Variants in DGKI observed in about 807,000 individuals in gnomAD.
DGKI encodes the protein diacylglycerol kinase iota, also known as DAG kinase iota.
Under a neutral mutation model 147.5 loss-of-function variants are expected in DGKI, and 55 were observed. That is an observed-to-expected ratio of 0.37 (90% CI 0.30 to 0.47). DGKI has a LOEUF of 0.47. Among genes scored for constraint, DGKI ranks in the 20% least tolerant of loss-of-function variants. The probability of loss-of-function intolerance (pLI) is 1.00; values close to 1 mark genes in which losing one functional copy is unlikely to be tolerated. For missense variants in DGKI, 1,007 were observed against 1,323.8 expected, an observed-to-expected ratio of 0.76 and a Z score of 3.71; for synonymous variants, 469 against 477.1, an observed-to-expected ratio of 0.98 and a Z score of 0.22.
At chr7:137,538,074 A>G (rs1817577161) in intron 20 of DGKI, among the ~76,000 whole-genome samples, 2 of 152,240 alleles carry the variant, frequency 1.3e-5, no homozygotes, top group Non-Finnish European at 2.9e-5. Context: ...CTAGTTGTAG[A>G]ATAGAATTAC....
chr7:137,620,023 A>ACG (rs1554442885), intron 7 of DGKI, 83 bp from the exon 8 acceptor site: 14 of 595,836 alleles, frequency 2.3e-5, no homozygotes, highest in South Asian at 5.9e-5. Context: ...ACACACGCAC[A>ACG]CACACACACA....
intron 5 of DGKI, among the ~76,000 whole-genome samples, 184 bp from the exon 6 acceptor site, chr7:137,645,721 T>G (rs553870392): frequency 6.6e-6 from 1 of 152,360 alleles, no homozygotes; most frequent in South Asian, 2.1e-4. Flanking sequence ...CATGAGCTAC[T>G]GCACTTGATT....
chr7:137,391,194 A>G lies in DGKI; in HGVS notation c.*26T>C, dbSNP rs1212273800. 1 of 1,567,106 alleles carries G rather than the reference A, an allele frequency of 6.4e-7. No individual in the cohort carries two copies. The highest frequency in any genetic ancestry group is 8.8e-7 in the Non-Finnish European group (1 of 1,137,504). On this transcript the variant is annotated 3_prime_UTR_variant, in exon 33 of 33. Transcript: ENST00000614521. ...GAGGGCAGATGTGATACGCTTGCTCATGTCCTCTTTGCCCGAATACCAGGG... is the reference window on the plus strand; with the variant it reads ...GAGGGCAGATGTGATACGCTTGCTCGTGTCCTCTTTGCCCGAATACCAGGG...
At chr7:137,417,222 A>C (rs1812393589) in intron 28 of DGKI, among the ~76,000 whole-genome samples, 1 of 152,226 alleles carries the variant, frequency 6.6e-6, no homozygotes, top group South Asian at 2.1e-4. Flanking sequence ...AGAAGCAGGG[A>C]AAGTCAAGTT....
At chr7:137,716,272 C>A (rs979158867) in intron 1 of DGKI, among the ~76,000 whole-genome samples, 1 of 152,140 alleles carries the variant, frequency 6.6e-6, no homozygotes, top group Non-Finnish European at 1.5e-5. Flanking sequence ...ACAATCTGAA[C>A]GTTCATGAAA....
At chr7:137,750,239 G>A (rs1435458496) in intron 1 of DGKI, among the ~76,000 whole-genome samples, 1 of 152,150 alleles carries the variant, frequency 6.6e-6, no homozygotes, top group African/African-American at 2.4e-5. Flanking sequence ...AGATGCACAG[G>A]GCTATAGAGC....
intron 1 of DGKI, among the ~76,000 whole-genome samples, chr7:137,789,316 A>G (rs542800594): frequency 1.4e-4 from 21 of 152,050 alleles, no homozygotes; most frequent in Non-Finnish European, 2.5e-4. Context: ...TAAAAAAAAT[A>G]AAATAAAAAT....
Position 137,391,381 on chromosome 7 carries a change from A to C in DGKI, c.3058-45T>G, listed in dbSNP as rs201295655. The C allele has an allele frequency of 2.9e-4, 378 of 1,323,166 alleles. 1 individual carries two copies. The African/African-American group carries it at 5.2e-3, about 18-fold the overall frequency. 82.0% of individuals were successfully genotyped at this position (1,323,166 alleles called of 1,614,324 possible). A position where few individuals can be genotyped will look rare whatever the true frequency, so the allele number is the denominator to read the frequency against. On this transcript the variant is annotated intron_variant, in intron 32 of 32. Coordinates refer to ENST00000614521, the MANE Select transcript of DGKI (RefSeq NM_001321708.2). ...AAAAAAAAAAGAGAGAGAGAGATAGACACAAGCGCTAGTCGTGAAATACAA... is the reference window on the plus strand; with the variant it reads ...AAAAAAAAAAGAGAGAGAGAGATAGCCACAAGCGCTAGTCGTGAAATACAA...
At chr7:137,768,813 C>T (rs1447846473) in intron 1 of DGKI, among the ~76,000 whole-genome samples, 29 of 152,182 alleles carry the variant, frequency 1.9e-4, no homozygotes, top group Non-Finnish European at 4.3e-4. Context: ...GAACGGCTAT[C>T]AAATTGTGTT....
intron 8 of DGKI, among the ~76,000 whole-genome samples, chr7:137,618,475 C>G (rs1019049135): frequency 1.3e-5 from 2 of 150,062 alleles, no homozygotes; most frequent in African/African-American, 5.0e-5. Flanking sequence ...AGCCCTCCCC[C>G]CCACTTCATA....
chr7:137,722,079 C>A, intron 1 of DGKI: 4 of 1,597,984 alleles, frequency 2.5e-6, no homozygotes, highest in Non-Finnish European at 1.7e-6. Context: ...AAAAGGGTAA[C>A]CTCAAGGCTA....
intron 1 of DGKI, among the ~76,000 whole-genome samples, chr7:137,838,015 T>TC (rs1392246478): frequency 6.8e-6 from 1 of 147,676 alleles, no homozygotes; most frequent in East Asian, 2.0e-4. Context: ...TTTTTTTTTT[T>TC]TTTTTTTAGA....
chr7:137,769,628 A>T (rs1796124207), intron 1 of DGKI, among the ~76,000 whole-genome samples: 1 of 152,192 alleles, frequency 6.6e-6, no homozygotes, highest in Non-Finnish European at 1.5e-5. Context: ...ACAAATTTAC[A>T]AGAAAAAAAA....
At chr7:137,650,919 A>G (rs752690076) in intron 5 of DGKI, among the ~76,000 whole-genome samples, 1 of 152,216 alleles carries the variant, frequency 6.6e-6, no homozygotes, top group Non-Finnish European at 1.5e-5. Flanking sequence ...CAAATATCCA[A>G]AGGTGGGGAA....
chr7:137,391,384 C>A (rs1232969059), intron 32 of DGKI, 48 bp from the exon 33 acceptor site: 4 of 1,303,286 alleles, frequency 3.1e-6, no homozygotes, highest in African/African-American at 3.0e-5. Context: ...GAGATAGACA[C>A]AAGCGCTAGT....
intron 3 of DGKI, among the ~76,000 whole-genome samples, chr7:137,666,982 T>C (rs2116327156): frequency 6.6e-6 from 1 of 152,278 alleles, no homozygotes; most frequent in East Asian, 1.9e-4. Context: ...TCCCCATTTG[T>C]TTTTCTATGC....
At chr7:137,448,763 A>T (rs904397226) in intron 27 of DGKI, among the ~76,000 whole-genome samples, 5 of 151,576 alleles carry the variant, frequency 3.3e-5, no homozygotes, top group Non-Finnish European at 5.9e-5. Context: ...AGGTAGGGGT[A>T]AATACAGCAT....
chr7:137,423,879 T>C (rs991286393), intron 28 of DGKI, among the ~76,000 whole-genome samples: 6 of 152,220 alleles, frequency 3.9e-5, no homozygotes, highest in Admixed American at 1.3e-4. Flanking sequence ...TTATCAATTT[T>C]TTATTATACT....
intron 20 of DGKI, among the ~76,000 whole-genome samples, chr7:137,548,822 A>C (rs1394782678): frequency 3.9e-5 from 6 of 152,096 alleles, no homozygotes; most frequent in African/African-American, 7.2e-5. Flanking sequence ...ACATCTGGGC[A>C]TGGTAGCGCA....
Sources: gnomAD v4.1 joint callset for allele counts (sites outside exome capture counted in the v4.1 genomes callset) on GRCh38, gnomAD v4.1.1 for gene constraint, MANE v1.5 for transcripts, NCBI Gene and HGNC (gene_info 2026-07-23, HGNC 2026-07-21) for gene names.